PHLDB3: variants seen among roughly 807,000 people sequenced by gnomAD.
PHLDB3 encodes the protein pleckstrin homology like domain family B member 3.
Under a neutral mutation model 85.7 loss-of-function variants are expected in PHLDB3, and 86 were observed. That is an observed-to-expected ratio of 1.00 (90% CI 0.84 to 1.20). The LOEUF is 1.20. Among genes scored for constraint, PHLDB3 ranks in the 50% most tolerant of loss-of-function variants. The probability of loss-of-function intolerance (pLI) is 0.00; values close to 1 mark genes in which losing one functional copy is unlikely to be tolerated. For synonymous variants in PHLDB3, 376 were observed against 349.8 expected (o/e 1.07, Z -0.83); for missense variants, 995 against 873.0 (o/e 1.14, Z -1.76).
chr19:43,504,022 G>A lies in PHLDB3; in HGVS notation c.97C>T (p.Arg33Trp). 2 of 1,613,894 alleles carry A rather than the reference G, an allele frequency of 1.2e-6. No individual in the cohort carries two copies. The highest frequency in any genetic ancestry group is 1.6e-4 in the Middle Eastern group (1 of 6,062). ...AGGACTTCGGATGCCTCCTGTTCCC[G>A]GGACTCCTCGGGATGGCCCTGGGGC... ...VQPQGHPEES[R>W]EQEASEVLAE... is the part of the protein sequence containing the mutation. Residue 33 changes from arginine (R) to tryptophan (W), a missense_variant, in exon 2 of 16, where the codon CGG becomes TGG. Transcript: ENST00000292140.
In PHLDB3 at chr19:43,478,060, C is replaced by A; in HGVS notation, c.1775G>T (p.Arg592Leu). 1 of 1,612,742 alleles carries A rather than the reference C, an allele frequency of 6.2e-7. No individual in the cohort carries two copies. Among genetic ancestry groups the A allele is most frequent in the Non-Finnish European group, 8.5e-7 (1 of 1,178,936 alleles). The change falls in exon 15 of 16, where the codon CGC (arginine) becomes CTC (leucine). Residue 592 changes from arginine to leucine, a missense_variant. Arg to Leu is a moderately radical substitution (Grantham distance 102, BLOSUM62 -2). Coordinates refer to ENST00000292140, the MANE Select transcript of PHLDB3 (RefSeq NM_198850.4). ...AIEEVYYDHL[R>L]CAFKSPNPRL... ...GAGGGGCTTCACCTTGAAGGCACAG[C>A]GTAAGTGGTCATAATAGACTTCCTC...
intron 6 of PHLDB3, chr19:43,495,934 A>G: frequency 3.9e-6 from 1 of 258,226 alleles, no homozygotes; most frequent in Non-Finnish European, 7.3e-6. Context: ...AGACAAGTAG[A>G]GACAACCCGA....
At chr19:43,484,421 T>G (rs1971110569) in intron 13 of PHLDB3, among the ~76,000 whole-genome samples, 1 of 149,660 alleles carries the variant, frequency 6.7e-6, no homozygotes, top group African/African-American at 2.5e-5. Context: ...AAAAAAAAAC[T>G]TATTGGCCAG....
chr19:43,486,914 C>G, intron 10 of PHLDB3, 44 bp from the exon 11 acceptor site: 1 of 1,493,246 alleles, frequency 6.7e-7, no homozygotes, highest in Non-Finnish European at 8.9e-7. Context: ...TACACCCTGG[C>G]CTGAGCCTAT....
chr19:43,478,133 C>G lies in PHLDB3; in HGVS notation c.1703-1G>C. 3 of 1,611,028 alleles carry G rather than the reference C, an allele frequency of 1.9e-6. No individual in the cohort carries two copies. The highest frequency in any genetic ancestry group is 2.5e-6 in the Non-Finnish European group (3 of 1,177,322). ...CCTTTGAGCTTGGTCTCTTCCTTGT[C>G]TGGTAGGGGAGGTAAGAGAAAAAGA... is the stretch of plus-strand genomic sequence containing the variant. On this transcript the variant is annotated splice_acceptor_variant, in intron 14 of 15. Transcript: ENST00000292140. LOFTEE classifies it high-confidence loss of function.
chr19:43,479,513 C>T lies in PHLDB3; in HGVS notation c.1566G>A (p.Pro522=), dbSNP rs1213352523. 10 of 1,289,614 alleles carry T rather than the reference C, an allele frequency of 7.8e-6. No homozygotes were observed. The highest frequency in any genetic ancestry group is 2.5e-5 in the South Asian group (2 of 80,790). 79.9% of individuals were successfully genotyped at this position (1,289,614 alleles called of 1,614,324 possible). Residue 522 remains proline (P), a synonymous_variant, in exon 14 of 16, where the codon CCG becomes CCA. Coordinates refer to ENST00000292140, the MANE Select transcript of PHLDB3 (RefSeq NM_198850.4). The stretch of plus-strand genomic sequence containing the variant: ...ACACCTGCACATGTGGGCAGTTTTC[C>T]GGGTTGTGGCCCCATCCCTCCAGAT... The part of the protein sequence containing the change: ...RQHLEGWGHN[P]ENCPHVQVSG...
intron 13 of PHLDB3, 153 bp downstream of exon 13, chr19:43,486,113 A>G: frequency 1.0e-6 from 1 of 985,408 alleles, no homozygotes; most frequent in Non-Finnish European, 1.2e-6. Flanking sequence ...GGGAACAGGA[A>G]CTGGTCCTCT....
chr19:43,497,139 C>T lies in PHLDB3; in HGVS notation c.804G>A (p.Gln268=). The change falls in exon 6 of 16, where the codon CAG becomes CAA. Residue 268 remains glutamine (Q), a synonymous_variant. Coordinates refer to ENST00000292140, the MANE Select transcript of PHLDB3 (RefSeq NM_198850.4). ...QVPDPKVQEL[Q]ASMAQHRRGA... ...TCACTCTGTGCTGCGCCATGCTGGC[C>T]TGGAGTTCCTGGACCTTGGGGTCTG... The T allele has an allele frequency of 6.5e-7, 1 of 1,542,712 alleles. No individual in the cohort carries two copies. The highest frequency in any genetic ancestry group is 1.4e-5 in the African/African-American group (1 of 71,346).
Position 43,475,170 on chromosome 19 carries a change from T to C in PHLDB3, c.*240A>G. The stretch of plus-strand genomic sequence containing the variant: ...CCAATAAATAGTTTCTTCCCGCCCC[T>C]GCAATCTTCCTCCTGCCCCGGGCAG... On this transcript the variant is annotated 3_prime_UTR_variant, in exon 16 of 16. Coordinates refer to ENST00000292140, the MANE Select transcript of PHLDB3 (RefSeq NM_198850.4). 1 of 506,292 alleles carries C rather than the reference T, an allele frequency of 2.0e-6. No homozygotes were observed. The highest frequency in any genetic ancestry group is 3.5e-6 in the Non-Finnish European group (1 of 283,848). 31.4% of individuals were successfully genotyped at this position (506,292 alleles called of 1,614,324 possible).
intron 9 of PHLDB3, among the ~76,000 whole-genome samples, chr19:43,489,670 GAAA>G (rs893242917): frequency 6.7e-6 from 1 of 150,038 alleles, no homozygotes; most frequent in African/African-American, 2.4e-5. Flanking sequence ...CCTGAGCCAA[GAAA>G]AAAAAAGTTT....
At position 43,502,297 on chromosome 19, in the gene PHLDB3, G is replaced by A. The variant is rs116244040; in HGVS notation, c.214-14C>T. On this transcript the variant is annotated splice_polypyrimidine_tract_variant and intron_variant, in intron 2 of 15. Coordinates refer to ENST00000292140, the MANE Select transcript of PHLDB3 (RefSeq NM_198850.4). The stretch of plus-strand genomic sequence containing the variant: ...CGTAGCCTCGGGCTGAAGTTGAGGG[G>A]GGCGTGGTTAAGTGGAGATGCCTCG... 1,684 of 1,545,344 alleles carry A rather than the reference G, an allele frequency of 1.1e-3. 20 individuals are homozygous for A. The African/African-American group carries it at 0.021, about 19-fold the overall frequency.
chr19:43,498,795 G>C (rs1453981997), intron 4 of PHLDB3, among the ~76,000 whole-genome samples: 2 of 152,162 alleles, frequency 1.3e-5, no homozygotes, highest in East Asian at 3.8e-4. Flanking sequence ...ATTTGGATCT[G>C]GGAAAATAAA....
chr19:43,475,667 T>A, intron 15 of PHLDB3, 123 bp from the exon 16 acceptor site: 2 of 1,249,356 alleles, frequency 1.6e-6, no homozygotes, highest in Non-Finnish European at 2.2e-6. Flanking sequence ...TATCTGAATG[T>A]CAGTTTCCCT....
chr19:43,478,419 C>T (rs1718076044), intron 14 of PHLDB3, among the ~76,000 whole-genome samples: 1 of 152,084 alleles, frequency 6.6e-6, no homozygotes. Context: ...TGCTCAAGTG[C>T]TTTCTAGGTA....
chr19:43,499,282 G>A (rs746117183), intron 4 of PHLDB3, among the ~76,000 whole-genome samples: 1 of 152,160 alleles, frequency 6.6e-6, no homozygotes, highest in Non-Finnish European at 1.5e-5. Context: ...CAAAGGGACA[G>A]CAAGACAAAC....
rs552498625 is a variant in PHLDB3, at chr19:43,485,985, T to C, written c.1485+281A>G. The C allele has an allele frequency of 1.2e-5, 12 of 985,382 alleles. No individual in the cohort carries two copies. The African/African-American group carries it at 1.7e-4, about 14-fold the overall frequency. The allele number at this position is 985,382 out of a possible 1,614,324, so 61.0% of individuals were successfully genotyped here. On this transcript the variant is annotated intron_variant, in intron 13 of 15. Transcript: ENST00000292140. Reference sequence around the variant, plus strand: ...AGGAATAAGTCCCAGCATGGACTTGTCCTCCTTCTGTACTGACTGCTGACA... The same window carrying C: ...AGGAATAAGTCCCAGCATGGACTTGCCCTCCTTCTGTACTGACTGCTGACA...
intron 13 of PHLDB3, chr19:43,485,865 A>G: frequency 1.2e-6 from 1 of 807,280 alleles, no homozygotes; most frequent in African/African-American, 1.9e-5. Flanking sequence ...AAAATTTTAA[A>G]TGATTTTTAA....
In PHLDB3 at chr19:43,487,122, C is replaced by T; in HGVS notation, c.1151G>A (p.Gly384Asp). Residue 384 changes from glycine (G) to aspartate (D), a missense_variant and splice_region_variant, in exon 10 of 16, where the codon GGC (glycine) becomes GAC (aspartate). Gly to Asp is a moderately conservative substitution (Grantham distance 94). Coordinates refer to ENST00000292140, the MANE Select transcript of PHLDB3 (RefSeq NM_198850.4). Reference protein sequence around the residue: ...CLFSVHSSLQGSIGLQRTGSL... With the variant: ...CLFSVHSSLQDSIGLQRTGSL... ...CCCAGTCCTCTGGAGGCCAATGGAG[C>T]CCTGAAAACACAAAAGGCTCATGAG... 1 of 1,557,676 alleles carries T rather than the reference C, an allele frequency of 6.4e-7. No individual in the cohort carries two copies. The highest frequency in any genetic ancestry group is 8.7e-7 in the Non-Finnish European group (1 of 1,150,130).
chr19:43,479,916 C>T (rs1238341853), intron 13 of PHLDB3, among the ~76,000 whole-genome samples: 1 of 151,872 alleles, frequency 6.6e-6, no homozygotes, highest in African/African-American at 2.4e-5. Flanking sequence ...AACTGGGACA[C>T]GAACCCAGGT....
Sources: allele counts gnomAD v4.1 joint callset (sites outside exome capture counted in the v4.1 genomes callset), GRCh38; gene constraint gnomAD v4.1.1; transcripts MANE v1.5; gene names NCBI Gene and HGNC (gene_info 2026-07-23, HGNC 2026-07-21).